CHEK2: variants seen among roughly 807,000 people sequenced by gnomAD.
CHEK2 encodes checkpoint kinase 2.
CHEK2 carries 71 observed loss-of-function variants against 69.1 expected under a neutral mutation model. That is an observed-to-expected ratio of 1.03 (90% CI 0.85 to 1.25). The LOEUF is 1.25. CHEK2 is among the 50% of genes most tolerant of loss of function. The probability of loss-of-function intolerance (pLI) is 0.00; values close to 1 mark genes in which losing one functional copy is unlikely to be tolerated. For synonymous variants in CHEK2, 189 were observed against 226.9 expected, an observed-to-expected ratio of 0.83 and a Z score of 1.50; for missense variants, 664 against 649.6, an observed-to-expected ratio of 1.02 and a Z score of -0.24.
In CHEK2 at chr22:28,727,687, T is replaced by C. The variant is rs147690952; in HGVS notation, c.320-2320A>G. On this transcript the variant is annotated intron_variant, in intron 2 of 14. Coordinates refer to ENST00000404276, the MANE Select transcript of CHEK2 (RefSeq NM_007194.4). ...AACGCTAAACAGTCCAGTAGAAAAA[T>C]AGGTAAAGGATATGAAAAGATAATT... Among the ~76,000 whole-genome samples, 1,173 of 152,090 alleles carry C rather than the reference T, an allele frequency of 7.7e-3. 16 individuals are homozygous for C. The highest frequency in any genetic ancestry group is 0.026 in the African/African-American group (1,094 of 41,494).
rs781374775 is a variant in CHEK2, at chr22:28,688,027, C to T, written c.1543-41G>A. ...AATGGAGAAATGTTCAAAAGAAAAT[C>T]ACTGGCTTCTTTAAGATTATCAAAG... On this transcript the variant is annotated intron_variant, in intron 14 of 14. Coordinates refer to ENST00000404276, the MANE Select transcript of CHEK2 (RefSeq NM_007194.4). The T allele has an allele frequency of 4.9e-6, 7 of 1,428,702 alleles. No homozygotes were observed. In the African/African-American group the frequency reaches 9.8e-5, roughly 20 times the overall value. 88.5% of individuals were successfully genotyped at this position (1,428,702 alleles called of 1,614,324 possible).
At chr22:28,729,795 T>G (rs2054139124) in intron 2 of CHEK2, among the ~76,000 whole-genome samples, 1 of 152,102 alleles carries the variant, frequency 6.6e-6, no homozygotes, top group African/African-American at 2.4e-5. Context: ...AGAGGCAAAG[T>G]CTTGCTCTGT....
chr22:28,712,926 C>T (rs954704295), intron 5 of CHEK2, among the ~76,000 whole-genome samples: 1 of 152,198 alleles, frequency 6.6e-6, no homozygotes, highest in Non-Finnish European at 1.5e-5. Flanking sequence ...TTCTCATTAG[C>T]TCAAATGGAA....
In CHEK2 at chr22:28,695,179, G is replaced by A. The variant is rs753839004; in HGVS notation, c.1323C>T (p.Thr441=). 4.3e-6 allele frequency: 7 copies of A among 1,613,460 alleles called. No individual in the cohort carries two copies. In the Admixed American group the frequency reaches 1.0e-4, roughly 23 times the overall value. The change falls in exon 12 of 15, where the codon ACC becomes ACT. Residue 441 remains threonine (T), a synonymous_variant. Transcript: ENST00000404276. ...RTQVSLKDQI[T]SGKYNFIPEV... is the part of the protein sequence containing the mutation. ...CAGGAATGAAGTTGTATTTTCCACT[G>A]GTGATCTGATCCTTCAGTGACACTT... is the stretch of plus-strand genomic sequence containing the variant.
chr22:28,739,806 T>C (rs181293590), intron 1 of CHEK2, among the ~76,000 whole-genome samples: 16 of 152,190 alleles, frequency 1.1e-4, no homozygotes, highest in African/African-American at 3.9e-4. Flanking sequence ...AGGGGAACTG[T>C]ATAGAGTGCT....
intron 7 of CHEK2, 72 bp from the exon 8 acceptor site, chr22:28,703,638 A>G: frequency 1.0e-6 from 1 of 969,758 alleles, no homozygotes; most frequent in Non-Finnish European, 1.6e-6. Flanking sequence ...AGCTTAGAAC[A>G]TCTGCCCAGA....
intron 13 of CHEK2, 23 bp downstream of exon 13, chr22:28,694,009 A>AGCAG: frequency 6.7e-7 from 1 of 1,485,572 alleles, no homozygotes; most frequent in Non-Finnish European, 9.3e-7. Context: ...ATTTTATGCT[A>AGCAG]GCAGGCACTG....
intron 7 of CHEK2, 46 bp downstream of exon 7, chr22:28,709,959 AT>A (rs770665055): frequency 1.8e-6 from 2 of 1,107,146 alleles, no homozygotes; most frequent in Non-Finnish European, 2.7e-6. Flanking sequence ...CTCTTCTCAT[AT>A]TTTGAGATAG....
At chr22:28,707,130 G>A (rs1033961476) in intron 7 of CHEK2, among the ~76,000 whole-genome samples, 6 of 152,046 alleles carry the variant, frequency 3.9e-5, no homozygotes, top group African/African-American at 9.7e-5. Flanking sequence ...TCTAGTGTCC[G>A]CTACCTCCAG....
At chr22:28,688,053 T>A in intron 14 of CHEK2, 67 bp from the exon 15 acceptor site, 1 of 1,213,642 alleles carries the variant, frequency 8.2e-7, no homozygotes, top group East Asian at 2.4e-5. Flanking sequence ...ATTATCAAAG[T>A]TCCTCAATAT....
At chr22:28,714,340 T>C (rs2053515341) in intron 5 of CHEK2, among the ~76,000 whole-genome samples, 1 of 152,232 alleles carries the variant, frequency 6.6e-6, no homozygotes. Flanking sequence ...TCTTTTGATG[T>C]GCTTTTTGGC....
intron 9 of CHEK2, among the ~76,000 whole-genome samples, chr22:28,698,517 T>C (rs2052684980): frequency 6.6e-6 from 1 of 152,224 alleles, no homozygotes; most frequent in Non-Finnish European, 1.5e-5. Context: ...GAAATGGATC[T>C]GGTGAAACCT....
chr22:28,725,396 C>A (rs2146072897), intron 2 of CHEK2, 29 bp from the exon 3 acceptor site: 9 of 1,613,844 alleles, frequency 5.6e-6, no homozygotes, highest in Non-Finnish European at 7.6e-6. Context: ...CATCAGAGGG[C>A]TGTTGAATTT....
intron 2 of CHEK2, among the ~76,000 whole-genome samples, chr22:28,729,990 C>A (rs535422800): frequency 6.6e-6 from 1 of 151,486 alleles, no homozygotes; most frequent in South Asian, 2.1e-4. Context: ...CAGGCTCCTG[C>A]CACCACGCCC....
chr22:28,728,956 A>AAC lies in CHEK2; in HGVS notation c.320-3590_320-3589insGT, dbSNP rs531494391. 8.1e-3 allele frequency among the ~76,000 whole-genome samples: 1,127 copies of AAC among 138,686 alleles called. 16 individuals are homozygous for AAC. The highest frequency in any genetic ancestry group is 0.029 in the African/African-American group (1,087 of 37,170). 91.0% of individuals were successfully genotyped at this position (138,686 alleles called of 152,430 possible). On this transcript the variant is annotated intron_variant, in intron 2 of 14. Transcript: ENST00000404276. ...TAGTGGGTAACACTCCAGCGTGGGT[A>AAC]AGAGTGAGACCCTGTCTCAAAAAAA...
chr22:28,727,484 C>A (rs1192249944), intron 2 of CHEK2, among the ~76,000 whole-genome samples: 1 of 152,134 alleles, frequency 6.6e-6, no homozygotes, highest in Non-Finnish European at 1.5e-5. Context: ...TAGAACATAA[C>A]CTCCAGGAGG....
chr22:28,691,841 G>C (rs3859888), intron 13 of CHEK2, among the ~76,000 whole-genome samples: 87,414 of 152,088 alleles, frequency 0.57, 26,086 homozygotes, highest in South Asian at 0.74. Context: ...ACAAAACAGA[G>C]ACCAGAATCC....
rs863224746 is a variant in CHEK2, at chr22:28,696,968, A to C, written c.1028T>G (p.Ile343Ser). The change falls in exon 10 of 15, where the codon ATT (isoleucine) becomes AGT (serine). Residue 343 changes from isoleucine to serine, a missense_variant. By Grantham distance (142) the Ile-to-Ser change is moderately radical. Transcript: ENST00000404276. Reference sequence around the variant, plus strand: ...CTCTGGCTTTAAGTCACGGTGTATAATACCGTTTTCATGAAGGTACTACAC... The same window carrying C: ...CTCTGGCTTTAAGTCACGGTGTATACTACCGTTTTCATGAAGGTACTACAC... ...LAVQYLHENG[I>S]IHRDLKPENV... 6.2e-7 allele frequency: 1 copy of C among 1,612,654 alleles called. No individual in the cohort carries two copies. Among genetic ancestry groups the C allele is most frequent in the Non-Finnish European group, 8.5e-7 (1 of 1,178,724 alleles).
At chr22:28,701,551 CG>C (rs1270158569) in intron 8 of CHEK2, among the ~76,000 whole-genome samples, 1 of 152,180 alleles carries the variant, frequency 6.6e-6, no homozygotes, top group Admixed American at 6.5e-5. Flanking sequence ...TGCATAGATA[CG>C]ATTTGCCAAC....
Sources: gnomAD v4.1 joint callset for allele counts (sites outside exome capture counted in the v4.1 genomes callset) on GRCh38, gnomAD v4.1.1 for gene constraint, MANE v1.5 for transcripts, NCBI Gene and HGNC (gene_info 2026-07-23, HGNC 2026-07-21) for gene names.